TRMT11: variants seen among roughly 807,000 people sequenced by gnomAD.
The protein encoded by TRMT11 is tRNA methyltransferase 11.
TRMT11 carries 53 observed loss-of-function variants against 62.8 expected under a neutral mutation model. The ratio of observed to expected loss-of-function variants is 0.84; its 90% CI spans 0.68 to 1.06. The LOEUF is 1.06. Among genes scored for constraint, TRMT11 ranks in the 50% least tolerant of loss-of-function variants. The pLI is 0.00. For synonymous variants in TRMT11, 188 were observed against 190.3 expected, an observed-to-expected ratio of 0.99 and a Z score of 0.10; for missense variants, 556 against 553.4, an observed-to-expected ratio of 1.00 and a Z score of -0.05.
At chr6:126,160,769 A>G (rs368441818) in intron 21 of TRMT11, among the ~76,000 whole-genome samples, 173 of 152,294 alleles carry the variant, frequency 1.1e-3, no homozygotes, top group African/African-American at 4.0e-3. Flanking sequence ...GCTTTTACTG[A>G]GAGCTATAAA....
At chr6:126,047,184 C>T (rs1019253517) in intron 16 of TRMT11, among the ~76,000 whole-genome samples, 1 of 151,692 alleles carries the variant, frequency 6.6e-6, no homozygotes, top group African/African-American at 2.4e-5. Context: ...TGACAAAGGC[C>T]CCACCCTCAA....
chr6:126,069,654 C>G (rs1181842167), intron 17 of TRMT11, among the ~76,000 whole-genome samples: 1 of 152,198 alleles, frequency 6.6e-6, no homozygotes, highest in Non-Finnish European at 1.5e-5. Flanking sequence ...TCGTGTTGGC[C>G]CCTCTCCAGT....
upstream of TRMT11, among the ~76,000 whole-genome samples, chr6:126,174,886 GA>G (rs1320246603): frequency 6.6e-6 from 1 of 152,170 alleles, no homozygotes; most frequent in Non-Finnish European, 1.5e-5. Context: ...CGCAAAAAGA[GA>G]AAATGACAGA....
intron 19 of TRMT11, among the ~76,000 whole-genome samples, chr6:126,115,002 A>G (rs2128190512): frequency 6.6e-6 from 1 of 152,102 alleles, no homozygotes. Context: ...CTCTCTTAGA[A>G]TTATGTTTCT....
At chr6:126,127,854 G>GT (rs1281945423) in intron 21 of TRMT11, among the ~76,000 whole-genome samples, 1 of 152,010 alleles carries the variant, frequency 6.6e-6, no homozygotes, top group Non-Finnish European at 1.5e-5. Flanking sequence ...TGACCACTTG[G>GT]TGGGGATATT....
intron 1 of TRMT11, among the ~76,000 whole-genome samples, chr6:126,188,119 T>C (rs1240555035): frequency 6.6e-6 from 1 of 151,874 alleles, no homozygotes; most frequent in African/African-American, 2.4e-5. Flanking sequence ...TAAAATAAAC[T>C]TTATCAAAAT....
In TRMT11 at chr6:125,999,445, T is replaced by C; in HGVS notation, c.523-12T>C. 6.3e-7 allele frequency: 1 copy of C among 1,582,100 alleles called. No individual in the cohort carries two copies. Among genetic ancestry groups the C allele is most frequent in the Non-Finnish European group, 8.6e-7 (1 of 1,163,924 alleles). ...TATGGCTATACTAACATAAGAAATA[T>C]CTCTGATTTAGATTGCAGATGGACA... On this transcript the variant is annotated splice_polypyrimidine_tract_variant and intron_variant, in intron 6 of 12. Coordinates refer to ENST00000334379, the MANE Select transcript of TRMT11 (RefSeq NM_001031712.3).
chr6:126,111,282 T>A (rs1777528109), intron 17 of TRMT11, among the ~76,000 whole-genome samples: 1 of 152,058 alleles, frequency 6.6e-6, no homozygotes. Flanking sequence ...ATAATCAAGT[T>A]CTCAAGCTGC....
upstream of TRMT11, among the ~76,000 whole-genome samples, chr6:126,173,462 A>G (rs1778352603): frequency 6.6e-6 from 1 of 152,136 alleles, no homozygotes; most frequent in African/African-American, 2.4e-5. Context: ...AAGGTCGCTG[A>G]TCTTAGGAGT....
chr6:126,179,118 A>G (rs1477172691), intron 1 of TRMT11, among the ~76,000 whole-genome samples: 1 of 152,130 alleles, frequency 6.6e-6, no homozygotes, highest in African/African-American at 2.4e-5. Context: ...TCAGAGGTAT[A>G]CTATACCTCC....
At chr6:126,164,821 C>T (rs937731052) in intron 21 of TRMT11, among the ~76,000 whole-genome samples, 31 of 151,822 alleles carry the variant, frequency 2.0e-4, no homozygotes, top group Non-Finnish European at 2.9e-5. Context: ...TTTTGCGTTC[C>T]ATTTCCTTGG....
intron 11 of TRMT11, among the ~76,000 whole-genome samples, chr6:126,019,793 A>T (rs1407951702): frequency 6.6e-6 from 1 of 152,224 alleles, no homozygotes; most frequent in Non-Finnish European, 1.5e-5. Context: ...AAAAGAATTT[A>T]TTCTTTCATG....
chr6:126,014,811 G>A (rs1194464778), intron 11 of TRMT11, among the ~76,000 whole-genome samples: 1 of 152,012 alleles, frequency 6.6e-6, no homozygotes, highest in Non-Finnish European at 1.5e-5. Context: ...TAGAAATGAG[G>A]AAACTTAATT....
intron 1 of TRMT11, among the ~76,000 whole-genome samples, chr6:126,186,656 T>C (rs1778531178): frequency 6.6e-6 from 1 of 152,138 alleles, no homozygotes; most frequent in African/African-American, 2.4e-5. Context: ...TTTTATTATC[T>C]AGGAATCTTT....
chr6:126,042,659 C>T (rs1182304377), downstream of TRMT11, among the ~76,000 whole-genome samples: 2 of 152,150 alleles, frequency 1.3e-5, no homozygotes, highest in African/African-American at 4.8e-5. Flanking sequence ...AAAATCTCTC[C>T]TTTAATCAAG....
At chr6:126,208,080 A>C (rs1778806401), downstream of TRMT11, among the ~76,000 whole-genome samples, 1 of 152,202 alleles carries the variant, frequency 6.6e-6, no homozygotes, top group South Asian at 2.1e-4. Flanking sequence ...GCAATGAAAA[A>C]TGCATCAGAA....
At chr6:126,057,748 A>G (rs1776412405) in intron 17 of TRMT11, among the ~76,000 whole-genome samples, 1 of 152,174 alleles carries the variant, frequency 6.6e-6, no homozygotes, top group Non-Finnish European at 1.5e-5. Context: ...TCCGTCAAAC[A>G]CGGCGTCTGC....
intron 17 of TRMT11, among the ~76,000 whole-genome samples, chr6:126,072,993 A>G (rs1471224843): frequency 1.3e-5 from 2 of 152,160 alleles, no homozygotes; most frequent in African/African-American, 4.8e-5. Flanking sequence ...GAGTTGGAAA[A>G]CAAATATTTG....
chr6:126,235,723 A>G, the TRMT11 span, among the ~76,000 whole-genome samples: 1 of 152,174 alleles, frequency 6.6e-6, no homozygotes, highest in African/African-American at 2.4e-5. Context: ...GGGAGGGGAG[A>G]GAGCATTATG....
Sources: allele counts gnomAD v4.1 joint callset (sites outside exome capture counted in the v4.1 genomes callset), GRCh38; gene constraint gnomAD v4.1.1; transcripts MANE v1.5; gene names NCBI Gene and HGNC (gene_info 2026-07-23, HGNC 2026-07-21).